The following TMEM181 variants were observed in gnomAD, a reference collection of about 807,000 sequenced individuals.
The protein encoded by TMEM181 is transmembrane protein 181, also known as G protein-coupled receptor 178.
Under a neutral mutation model 71.9 loss-of-function variants are expected in TMEM181, and 39 were observed. That is an observed-to-expected ratio of 0.54 (90% CI 0.42 to 0.71). TMEM181 has a LOEUF of 0.71. TMEM181 is among the 30% of genes least tolerant of loss of function. The pLI is 0.00. For synonymous variants in TMEM181, 245 were observed against 228.8 expected (o/e 1.07, Z -0.64); for missense variants, 595 against 583.0 (o/e 1.02, Z -0.21).
At chr6:158,559,466 C>A (rs142456162), upstream of TMEM181, among the ~76,000 whole-genome samples, 1 of 152,162 alleles carries the variant, frequency 6.6e-6, no homozygotes, top group African/African-American at 2.4e-5. Context: ...GAGTAATGCT[C>A]CAAAGAGAAT....
At chr6:158,595,634 G>A (rs1405542355) in intron 6 of TMEM181, among the ~76,000 whole-genome samples, 2 of 152,200 alleles carry the variant, frequency 1.3e-5, no homozygotes, top group African/African-American at 2.4e-5. Flanking sequence ...TAATGTCATG[G>A]AGGACTTTCT....
intron 5 of TMEM181, among the ~76,000 whole-genome samples, chr6:158,588,589 AC>A (rs1172008663): frequency 1.3e-5 from 2 of 152,194 alleles, no homozygotes; most frequent in African/African-American, 4.8e-5. Context: ...AGCTGGGATT[AC>A]AGGCGCCTGC....
chr6:158,560,473 C>G (rs116389831), intron 1 of TMEM181, among the ~76,000 whole-genome samples: 2,773 of 152,284 alleles, frequency 0.018, 85 homozygotes, highest in African/African-American at 0.064. Context: ...GGTTAGAGAC[C>G]GGGATGCGGT....
chr6:158,569,908 A>C (rs1032152383), intron 1 of TMEM181, among the ~76,000 whole-genome samples: 2 of 152,156 alleles, frequency 1.3e-5, no homozygotes, highest in African/African-American at 4.8e-5. Flanking sequence ...CCAGCCTCTC[A>C]TGCCCTTTCT....
At chr6:158,540,069 A>C (rs1781284053) in intron 1 of TMEM181, among the ~76,000 whole-genome samples, 1 of 152,226 alleles carries the variant, frequency 6.6e-6, no homozygotes, top group African/African-American at 2.4e-5. Context: ...CTTTCTTTTT[A>C]ACTTGATAGC....
chr6:158,545,562 G>C lies in TMEM181; in HGVS notation c.131+8697G>C, dbSNP rs540348162. On this transcript the variant is annotated intron_variant, in intron 1 of 16. Transcript: ENST00000367090. ...ATGCAGGGGCACGTGGCGGGTGGGC[G>C]TTGTCCTGCCTTCTCTGCCTTCTGG... Among the ~76,000 whole-genome samples, 8 of 152,354 alleles carry C rather than the reference G, an allele frequency of 5.3e-5. No individual in the cohort carries two copies. The South Asian group carries it at 1.7e-3, about 32-fold the overall frequency.
chr6:158,605,134 G>A (rs62437849), intron 6 of TMEM181, 133 bp from the exon 7 acceptor site: 1 of 275,794 alleles, frequency 3.6e-6, no homozygotes. Context: ...AAAAAAAAGT[G>A]TGTGTGTGTG....
At chr6:158,561,798 G>GGGTTA (rs997632341) in intron 1 of TMEM181, among the ~76,000 whole-genome samples, 2 of 152,204 alleles carry the variant, frequency 1.3e-5, no homozygotes, top group African/African-American at 4.8e-5. Flanking sequence ...AGCACTAAGA[G>GGGTTA]GGTTAGGGAA....
intron 6 of TMEM181, among the ~76,000 whole-genome samples, chr6:158,603,692 CTTTA>C (rs1351040507): frequency 1.3e-5 from 2 of 149,198 alleles, no homozygotes. Context: ...TCTTCCAAGT[CTTTA>C]TTTAACACAA....
intron 8 of TMEM181, 37 bp from the exon 9 acceptor site, chr6:158,608,296 C>G (rs775454712): frequency 1.2e-6 from 2 of 1,613,220 alleles, no homozygotes; most frequent in East Asian, 4.5e-5. Flanking sequence ...GCTGGCGGGC[C>G]TGTTTTCCAC....
intron 5 of TMEM181, among the ~76,000 whole-genome samples, chr6:158,588,035 C>G (rs896220657): frequency 6.6e-6 from 1 of 152,192 alleles, no homozygotes; most frequent in Admixed American, 6.5e-5. Flanking sequence ...TTAGTTTTGT[C>G]GAGAAGGTGG....
At chr6:158,585,865 A>C (rs569705621) in intron 5 of TMEM181, among the ~76,000 whole-genome samples, 9 of 152,258 alleles carry the variant, frequency 5.9e-5, no homozygotes, top group Admixed American at 1.3e-4. Flanking sequence ...TGCTCTGTCA[A>C]CCAGGCTGGA....
chr6:158,617,183 G>T (rs1410394063), intron 10 of TMEM181, among the ~76,000 whole-genome samples: 4 of 152,182 alleles, frequency 2.6e-5, no homozygotes, highest in African/African-American at 9.7e-5. Flanking sequence ...TCTATTAAGA[G>T]ATTCAGCTTC....
chr6:158,617,193 C>G (rs1785663353), intron 10 of TMEM181, among the ~76,000 whole-genome samples: 1 of 152,156 alleles, frequency 6.6e-6, no homozygotes, highest in Non-Finnish European at 1.5e-5. Context: ...GATTCAGCTT[C>G]TTCCTGGTTT....
intron 1 of TMEM181, among the ~76,000 whole-genome samples, chr6:158,537,386 C>T (rs1459509073): frequency 1.3e-5 from 2 of 152,186 alleles, no homozygotes; most frequent in Admixed American, 1.3e-4. Context: ...GGCGGATGGG[C>T]GCGGCGGGGA....
intron 1 of TMEM181, among the ~76,000 whole-genome samples, chr6:158,538,848 A>G (rs997653542): frequency 9.2e-5 from 14 of 152,200 alleles, no homozygotes; most frequent in African/African-American, 3.4e-4. Context: ...AAACTCCCAG[A>G]AGAGGAAGGA....
Position 158,626,680 on chromosome 6 carries a change from G to A in TMEM181, c.1109+926G>A, listed in dbSNP as rs1235728420. 6 of 457,106 alleles carry A rather than the reference G, an allele frequency of 1.3e-5. No homozygotes were observed. The East Asian group carries it at 4.2e-4, about 32-fold the overall frequency. 28.3% of individuals were successfully genotyped at this position (457,106 alleles called of 1,614,324 possible). On this transcript the variant is annotated intron_variant, in intron 13 of 16. Coordinates refer to ENST00000684151, the MANE Select transcript of TMEM181 (RefSeq NM_001376852.1). ...TCACTCAGAATAATGCTGCATGTGT[G>A]TTGTATTAGTCTCTGTTCAGTGCTA...
chr6:158,570,231 C>T (rs917313512), intron 1 of TMEM181, among the ~76,000 whole-genome samples: 2 of 149,866 alleles, frequency 1.3e-5, no homozygotes, highest in Non-Finnish European at 3.0e-5. Flanking sequence ...TGTTTCCGTA[C>T]ACTTTTTTTT....
chr6:158,612,960 A>G (rs979579983), intron 10 of TMEM181, among the ~76,000 whole-genome samples: 1 of 152,240 alleles, frequency 6.6e-6, no homozygotes, highest in African/African-American at 2.4e-5. Context: ...AGAAATGACA[A>G]AAAGTACTTG....
Sources: gnomAD v4.1 joint callset for allele counts (sites outside exome capture counted in the v4.1 genomes callset) on GRCh38, gnomAD v4.1.1 for gene constraint, MANE v1.5 for transcripts, NCBI Gene and HGNC (gene_info 2026-07-23, HGNC 2026-07-21) for gene names.